The following OTUD7A variants were observed in gnomAD, a reference collection of about 807,000 sequenced individuals.
OTUD7A encodes the protein OTU domain-containing protein 7A.
In OTUD7A, 12 loss-of-function variants were observed where a neutral mutation model predicts 65.7. The ratio of observed to expected loss-of-function variants is 0.18; its 90% CI spans 0.12 to 0.30. The LOEUF (loss-of-function observed/expected upper bound fraction) is 0.30. Ranked by LOEUF, OTUD7A falls within the 10% of genes least tolerant of loss-of-function variation. The pLI, the probability that OTUD7A is intolerant of heterozygous loss-of-function variation, is 1.00. For missense variants in OTUD7A, 1,148 were observed against 1,304.8 expected (o/e 0.88, Z 1.85); for synonymous variants, 641 against 586.3 (o/e 1.09, Z -1.35).
At chr15:31,601,860 C>A (rs528927383) in intron 3 of OTUD7A, among the ~76,000 whole-genome samples, 12 of 152,058 alleles carry the variant, frequency 7.9e-5, no homozygotes. Flanking sequence ...CTAGAAGAAA[C>A]GGATAAATTC....
chr15:31,567,843 G>A lies in OTUD7A; in HGVS notation c.331+2175C>T, dbSNP rs1218249143. Among the ~76,000 whole-genome samples, 2 of 152,266 alleles carry A rather than the reference G, an allele frequency of 1.3e-5. 1 individual carries two copies. The highest frequency in any genetic ancestry group is 1.3e-4 in the Admixed American group (2 of 15,290). ...AGATACAGTTCAGGCTGCTGCTTCA[G>A]AGGGTGCAAGCCATAAGCCTTGGTG... is the stretch of plus-strand genomic sequence containing the variant. On this transcript the variant is annotated intron_variant, in intron 4 of 12. Transcript: ENST00000307050.
At chr15:31,682,210 G>A (rs1892733601) in intron 1 of OTUD7A, among the ~76,000 whole-genome samples, 1 of 152,130 alleles carries the variant, frequency 6.6e-6, no homozygotes, top group Non-Finnish European at 1.5e-5. Flanking sequence ...TTCTAACTAA[G>A]GAATTCACAA....
At position 31,484,461 on chromosome 15, in the gene OTUD7A, CAGGCCGCCG is replaced by C; in HGVS notation, c.1626_1634del (p.Gly543_Leu545del). 1.2e-6 allele frequency: 2 copies of C among 1,605,344 alleles called. No individual in the cohort carries two copies. Among genetic ancestry groups the C allele is most frequent in the Middle Eastern group, 1.7e-4 (1 of 6,060 alleles). On this transcript the variant is annotated inframe_deletion, in exon 13 of 13. Coordinates refer to ENST00000307050, the MANE Select transcript of OTUD7A (RefSeq NM_001382637.1). The surrounding 1 kb of genome is among the most constrained non-coding windows in gnomAD (Gnocchi z 4.5). ...TGGCGCGGCCCATCTTGCCGTGCAC[CAGGCCGCCG>C]AGGCCGCCCATGTTTTTCTTCAGCT...
intron 1 of OTUD7A, among the ~76,000 whole-genome samples, chr15:31,778,203 C>T (rs1244189402): frequency 6.6e-6 from 1 of 152,142 alleles, no homozygotes. Context: ...CTCAATAGCC[C>T]ATACCTTGTC....
At chr15:31,554,292 C>G (rs1312684618) in intron 5 of OTUD7A, among the ~76,000 whole-genome samples, 6 of 152,208 alleles carry the variant, frequency 3.9e-5, no homozygotes, top group Admixed American at 3.9e-4. Flanking sequence ...TTTCATCTGC[C>G]TGGAGTGTGG....
At chr15:31,667,115 T>A (rs113608485) in intron 1 of OTUD7A, among the ~76,000 whole-genome samples, 2,622 of 152,334 alleles carry the variant, frequency 0.017, 33 homozygotes, top group Non-Finnish European at 0.027. Flanking sequence ...GGTTGTCGGA[T>A]GAAATGTTCT....
Position 31,849,166 on chromosome 15 carries a change from C to T in OTUD7A, c.-100+21341G>A, listed in dbSNP as rs766413334. ...GACTTTGAACTACACTACAAGGCTA[C>T]GGTAACCAAAACAGCATGGTACTGG... On this transcript the variant is annotated intron_variant, in intron 1 of 12. Coordinates refer to ENST00000307050, the MANE Select transcript of OTUD7A (RefSeq NM_001382637.1). 5.3e-5 allele frequency among the ~76,000 whole-genome samples: 8 copies of T among 152,128 alleles called. No homozygotes were observed. In the East Asian group the frequency reaches 5.8e-4, roughly 11 times the overall value.
chr15:31,688,102 G>C (rs1892879766), intron 1 of OTUD7A, among the ~76,000 whole-genome samples: 1 of 151,980 alleles, frequency 6.6e-6, no homozygotes. Flanking sequence ...TGTAGTCCCA[G>C]CTACTCGGGA....
intron 1 of OTUD7A, among the ~76,000 whole-genome samples, chr15:31,785,346 A>C (rs1009131388): frequency 1.3e-5 from 2 of 152,208 alleles, no homozygotes; most frequent in Non-Finnish European, 2.9e-5. Flanking sequence ...ATAAATTCTA[A>C]TCTGTAGATA....
At chr15:31,807,903 G>A (rs190621475) in intron 1 of OTUD7A, among the ~76,000 whole-genome samples, 5 of 151,954 alleles carry the variant, frequency 3.3e-5, no homozygotes, top group African/African-American at 7.2e-5. Flanking sequence ...TGAGAGAGCC[G>A]CTGTTACCAA....
In OTUD7A at chr15:31,555,852, T is replaced by TTTTTTTTTTTTC. The variant is rs746489550; in HGVS notation, c.550+3116_550+3117insGAAAAAAAAAAA. On this transcript the variant is annotated intron_variant, in intron 5 of 12. Transcript: ENST00000307050. ...GTCTGCGTACCTCTGTTCTTTTTCT[T>TTTTTTTTTTTTC]TTTTTTTTTTTTGAGACAGGGTTTT... 1.1e-3 allele frequency: 52 copies of TTTTTTTTTTTTC among 47,002 alleles called. 1 individual carries two copies. The highest frequency in any genetic ancestry group is 4.2e-3 in the African/African-American group (38 of 9,092). The allele number at this position is 47,002 out of a possible 1,614,324, so 2.9% of individuals were successfully genotyped here. A position where few individuals can be genotyped will look rare whatever the true frequency, so the allele number is the denominator to read the frequency against.
chr15:31,863,001 C>T (rs894183073), intron 1 of OTUD7A, among the ~76,000 whole-genome samples: 1 of 152,092 alleles, frequency 6.6e-6, no homozygotes, highest in African/African-American at 2.4e-5. Flanking sequence ...GAGAAATTGG[C>T]CAAAATAAAG....
In OTUD7A at chr15:31,744,357, T is replaced by C. The variant is rs187767458; in HGVS notation, c.-99-87280A>G. On this transcript the variant is annotated intron_variant, in intron 1 of 12. Coordinates refer to ENST00000307050, the MANE Select transcript of OTUD7A (RefSeq NM_001382637.1). The stretch of plus-strand genomic sequence containing the variant: ...TGAACATTGCCATAATCACTCATAC[T>C]GTATTAGTTGAGTCCTGTAATAAAT... Among the ~76,000 whole-genome samples the C allele has an allele frequency of 1.7e-3, 256 of 152,258 alleles. 1 individual carries two copies. The highest frequency in any genetic ancestry group is 3.2e-3 in the Non-Finnish European group (219 of 67,986).
At chr15:31,620,979 T>C (rs1203261288) in intron 3 of OTUD7A, among the ~76,000 whole-genome samples, 2 of 142,100 alleles carry the variant, frequency 1.4e-5, no homozygotes, top group African/African-American at 5.7e-5. Context: ...TTTGTTCTCG[T>C]TGGTTTCAAA....
intron 3 of OTUD7A, among the ~76,000 whole-genome samples, chr15:31,585,793 T>C (rs780217334): frequency 3.9e-5 from 6 of 152,180 alleles, no homozygotes; most frequent in Non-Finnish European, 8.8e-5. Context: ...CAGACCACTA[T>C]TTGAGCTTGG....
Position 31,498,851 on chromosome 15 carries a change from G to C in OTUD7A, c.1171+2839C>G, listed in dbSNP as rs566680755. 6.6e-6 allele frequency among the ~76,000 whole-genome samples: 1 copy of C among 152,326 alleles called. No homozygotes were observed. The highest frequency in any genetic ancestry group is 1.5e-5 in the Non-Finnish European group (1 of 68,034). On this transcript the variant is annotated intron_variant, in intron 10 of 12. Coordinates refer to ENST00000307050, the MANE Select transcript of OTUD7A (RefSeq NM_001382637.1). This position sits in a 1 kb window ranked among gnomAD's most constrained non-coding sequence, Gnocchi z 4.2. ...TTGCAAAGCCTGGGCCACTGAGGTTGCCCATAGCTGACCAGTCCCACCAGC... is the reference window on the plus strand; with the variant it reads ...TTGCAAAGCCTGGGCCACTGAGGTTCCCCATAGCTGACCAGTCCCACCAGC...
intron 1 of OTUD7A, among the ~76,000 whole-genome samples, chr15:31,674,302 TG>T (rs199851790): frequency 6.6e-6 from 1 of 152,176 alleles, no homozygotes; most frequent in African/African-American, 2.4e-5. Context: ...GGGCCAGCCC[TG>T]GGGGCTGCCA....
intron 1 of OTUD7A, among the ~76,000 whole-genome samples, chr15:31,800,276 T>A (rs897942482): frequency 6.6e-6 from 1 of 152,126 alleles, no homozygotes; most frequent in Non-Finnish European, 1.5e-5. Flanking sequence ...GCAGCATGTT[T>A]CTGCTCCCAG....
At chr15:31,559,996 G>T (rs1317599994) in intron 4 of OTUD7A, among the ~76,000 whole-genome samples, 3 of 152,202 alleles carry the variant, frequency 2.0e-5, no homozygotes, top group African/African-American at 7.2e-5. Context: ...AGTAAGTGGG[G>T]AGCTGCAAGC....
Sources: gnomAD v4.1 joint callset for allele counts (sites outside exome capture counted in the v4.1 genomes callset) on GRCh38, gnomAD v4.1.1 for gene constraint, Gnocchi (gnomAD v3.1) non-coding constraint, MANE v1.5 for transcripts, NCBI Gene and HGNC (gene_info 2026-07-23, HGNC 2026-07-21) for gene names.